Variants in ANO1 observed in about 807,000 individuals in gnomAD.
The protein encoded by ANO1 is anoctamin-1.
ANO1 carries 59 observed loss-of-function variants against 124.0 expected under a neutral mutation model. The ratio of observed to expected loss-of-function variants is 0.48; its 90% CI spans 0.39 to 0.59. The LOEUF (loss-of-function observed/expected upper bound fraction) is 0.59, where lower values mean the gene tolerates loss of function less well. Among genes scored for constraint, ANO1 ranks in the 20% least tolerant of loss-of-function variants. ANO1 has a pLI of 0.00. For synonymous variants in ANO1, 529 were observed against 532.0 expected, an observed-to-expected ratio of 0.99 and a Z score of 0.08; for missense variants, 1,059 against 1,328.0, an observed-to-expected ratio of 0.80 and a Z score of 3.15.
chr11:69,971,474 C>T, the ANO1 span, among the ~76,000 whole-genome samples: 201 of 152,310 alleles, frequency 1.3e-3, no homozygotes, highest in African/African-American at 4.6e-3. Flanking sequence ...ATAGAGGCCA[C>T]TTGCTTTTGC....
chr11:70,080,342 C>A (rs189390348), intron 1 of ANO1, among the ~76,000 whole-genome samples: 1 of 152,280 alleles, frequency 6.6e-6, no homozygotes, highest in African/African-American at 2.4e-5. Context: ...AGAAAGCCTG[C>A]CTGAAGAATA....
Position 70,103,113 on chromosome 11 carries a change from C to T in ANO1, c.489C>T (p.Asn163=), listed in dbSNP as rs369108450. The change falls in exon 3 of 26, where the codon AAC becomes AAT. Residue 163 remains asparagine, a synonymous_variant. Coordinates refer to ENST00000355303, the MANE Select transcript of ANO1 (RefSeq NM_018043.7). The part of the protein sequence containing the change: ...VGFVKIHAPW[N]VLCREAEFLK... ...TTGTGAAAATCCATGCCCCCTGGAACGTGCTGTGCAGAGAGGCCGAGTTTC... is the reference window on the plus strand; with the variant it reads ...TTGTGAAAATCCATGCCCCCTGGAATGTGCTGTGCAGAGAGGCCGAGTTTC... 8.1e-5 allele frequency: 130 copies of T among 1,613,066 alleles called. No individual in the cohort carries two copies. In the Middle Eastern group the frequency reaches 3.1e-3, roughly 39 times the overall value.
chr11:70,024,538 T>C (rs1555002964), intron 1 of ANO1, among the ~76,000 whole-genome samples: 1 of 152,160 alleles, frequency 6.6e-6, no homozygotes, highest in African/African-American at 2.4e-5. Context: ...AGTGATGGGC[T>C]TGGCACTGTG....
At chr11:70,138,413 G>A (rs973043733) in intron 11 of ANO1, among the ~76,000 whole-genome samples, 3 of 150,882 alleles carry the variant, frequency 2.0e-5, no homozygotes, top group African/African-American at 4.9e-5. Context: ...GACTAAGGCA[G>A]GAGAATCGCT....
chr11:70,127,672 G>A (rs926632984), intron 10 of ANO1, among the ~76,000 whole-genome samples: 3 of 152,190 alleles, frequency 2.0e-5, no homozygotes, highest in Admixed American at 1.3e-4. Flanking sequence ...CTCCAGCCTG[G>A]GGGAACAGAG....
intron 11 of ANO1, among the ~76,000 whole-genome samples, chr11:70,133,241 G>A (rs1170833707): frequency 1.3e-5 from 2 of 152,172 alleles, no homozygotes; most frequent in South Asian, 2.1e-4. Flanking sequence ...GGGGCTCTGT[G>A]TGGCCCTTAC....
intron 1 of ANO1, among the ~76,000 whole-genome samples, chr11:70,045,610 A>T (rs2135067309): frequency 6.6e-6 from 1 of 152,228 alleles, no homozygotes; most frequent in South Asian, 2.1e-4. Context: ...GCTTGTCTGG[A>T]TGTGAGGCTG....
chr11:70,154,460 C>CTTTT lies in ANO1; in HGVS notation c.1425+1353_1425+1356dup, dbSNP rs35077245. On this transcript the variant is annotated intron_variant, in intron 14 of 25. Coordinates refer to ENST00000355303, the MANE Select transcript of ANO1 (RefSeq NM_018043.7). The stretch of plus-strand genomic sequence containing the variant: ...TCCTATAGCCAGGAAGGAAGTATGT[C>CTTTT]TTTTTTTTTTTTTTTTTTTTTTTTG... 3.4e-3 allele frequency among the ~76,000 whole-genome samples: 290 copies of CTTTT among 84,204 alleles called. 2 individuals are homozygous for CTTTT. The highest frequency in any genetic ancestry group is 4.4e-3 in the Non-Finnish European group (197 of 44,934). The allele number at this position is 84,204 out of a possible 152,430, so 55.2% of individuals were successfully genotyped here.
Position 70,006,566 on chromosome 11 carries a change from T to C in ANO1, c.58+20400T>C, listed in dbSNP as rs112273075. On this transcript the variant is annotated intron_variant, in intron 1 of 27. Coordinates refer to the ANO1 transcript ENST00000531349. ...TCTTTCTTCCTTTCTTTCTTTCTTTTCTTTCTTTCTTTCTTACTTACTTTC... is the reference window on the plus strand; with the variant it reads ...TCTTTCTTCCTTTCTTTCTTTCTTTCCTTTCTTTCTTTCTTACTTACTTTC... Among the ~76,000 whole-genome samples the C allele has an allele frequency of 1.3e-4, 13 of 100,342 alleles. No homozygotes were observed. In the East Asian group the frequency reaches 6.4e-3, roughly 50 times the overall value. The allele number at this position is 100,342 out of a possible 152,430, so 65.8% of individuals were successfully genotyped here.
intron 1 of ANO1, among the ~76,000 whole-genome samples, chr11:70,046,328 G>A (rs1015088709): frequency 6.6e-6 from 1 of 152,138 alleles, no homozygotes. Context: ...ATTGACTGCT[G>A]TCAATCTAAG....
upstream of ANO1, chr11:70,078,309 G>A (rs1294476092): frequency 6.6e-6 from 1 of 151,634 alleles, no homozygotes; most frequent in Non-Finnish European, 1.5e-5. Flanking sequence ...GGCAAAGGCG[G>A]GCCGGCTGGC....
Position 70,167,333 on chromosome 11 carries a change from G to A in ANO1, c.2143G>A (p.Val715Met). The change falls in exon 21 of 26, where the codon GTG becomes ATG. Residue 715 changes from valine to methionine, a missense_variant. Val to Met is a conservative substitution (Grantham distance 21). Transcript: ENST00000355303. ...ECVKRKQRYEVDYNLEPFAGL... is the reference protein window; with the variant it reads ...ECVKRKQRYEMDYNLEPFAGL... The stretch of plus-strand genomic sequence containing the variant: ...TGTGAAGAGGAAACAGCGGTACGAG[G>A]TGGATTACAACCTGGAGCCCTTCGC... The A allele has an allele frequency of 6.2e-7, 1 of 1,613,886 alleles. No homozygotes were observed. The highest frequency in any genetic ancestry group is 8.5e-7 in the Non-Finnish European group (1 of 1,179,836).
chr11:70,095,287 G>A (rs138387301), intron 2 of ANO1, among the ~76,000 whole-genome samples: 2,171 of 79,702 alleles, frequency 0.027, 30 homozygotes, highest in Middle Eastern at 0.066. Context: ...AAGGAAGGAA[G>A]GAAGGAAGGA....
chr11:70,094,431 G>T (rs570529792), intron 2 of ANO1, among the ~76,000 whole-genome samples: 1 of 152,348 alleles, frequency 6.6e-6, no homozygotes, highest in East Asian at 1.9e-4. Flanking sequence ...GGCCCTCACA[G>T]ATTTGAGAAT....
intron 1 of ANO1, among the ~76,000 whole-genome samples, chr11:70,023,561 G>A (rs1162595112): frequency 2.0e-5 from 3 of 152,202 alleles, no homozygotes; most frequent in Non-Finnish European, 4.4e-5. Flanking sequence ...CCAGTACTGA[G>A]ATGGTCTAGT....
intron 1 of ANO1, among the ~76,000 whole-genome samples, chr11:69,986,738 A>G (rs1254939139): frequency 2.0e-5 from 3 of 152,162 alleles, no homozygotes; most frequent in African/African-American, 7.2e-5. Flanking sequence ...CCCTGGCTGC[A>G]CATAAATCAC....
intron 1 of ANO1, among the ~76,000 whole-genome samples, chr11:70,036,413 A>G (rs967826345): frequency 2.0e-5 from 3 of 152,140 alleles, no homozygotes; most frequent in East Asian, 1.9e-4. Context: ...CTCATTTCAA[A>G]TAAGTTCACG....
chr11:70,187,992 G>A lies in ANO1; in HGVS notation c.2949G>A (p.Gly983=), dbSNP rs769527334. The A allele has an allele frequency of 1.9e-6, 3 of 1,562,832 alleles. No individual in the cohort carries two copies. Among genetic ancestry groups the A allele is most frequent in the Non-Finnish European group, 2.6e-6 (3 of 1,154,354 alleles). ...GSPAPSHAYH[G]GVL is the part of the protein sequence containing the mutation. ...CAGCCCCCAGCCATGCCTACCACGG[G>A]GGCGTCCTGTAGCTATGCCAGCGGG... is the stretch of plus-strand genomic sequence containing the variant. Residue 983 remains glycine, a synonymous_variant, in exon 26 of 26, where the codon GGG becomes GGA. Transcript: ENST00000355303.
At chr11:70,182,846 C>T (rs1051507369) in intron 24 of ANO1, among the ~76,000 whole-genome samples, 160 bp downstream of exon 24, 14 of 151,872 alleles carry the variant, frequency 9.2e-5, no homozygotes, top group Admixed American at 2.0e-4. Context: ...CAGTGGCTCA[C>T]ACCCGTCATC....
Sources: gnomAD v4.1 joint callset for allele counts (sites outside exome capture counted in the v4.1 genomes callset) on GRCh38, gnomAD v4.1.1 for gene constraint, MANE v1.5 for transcripts, NCBI Gene and HGNC (gene_info 2026-07-23, HGNC 2026-07-21) for gene names.